ACOT1: variants seen among roughly 807,000 people sequenced by gnomAD.
ACOT1 encodes acyl-coenzyme A thioesterase 1.
ACOT1 carries 8 observed loss-of-function variants against 15.7 expected under a neutral mutation model. That is an observed-to-expected ratio of 0.51 (90% CI 0.30 to 0.92). The LOEUF (loss-of-function observed/expected upper bound fraction) is 0.92, where lower values mean the gene tolerates loss of function less well. Ranked by LOEUF, ACOT1 falls within the 40% of genes least tolerant of loss-of-function variation. The probability of loss-of-function intolerance (pLI) is 0.06; values close to 1 mark genes in which losing one functional copy is unlikely to be tolerated. For synonymous variants in ACOT1, 67 were observed against 241.2 expected (o/e 0.28, Z 6.69); for missense variants, 151 against 539.4 (o/e 0.28, Z 7.13).
chr14:73,494,314 C>T, the ACOT1 span, among the ~76,000 whole-genome samples: 1 of 152,162 alleles, frequency 6.6e-6, no homozygotes. Context: ...ATGCTACGCT[C>T]AGGCACACAG....
At chr14:73,531,245 C>T in the ACOT1 span, 2 of 112,716 alleles carry the variant, frequency 1.8e-5, 1 homozygote, top group Non-Finnish European at 3.8e-5. Flanking sequence ...CTGTTTCTAT[C>T]AGTCTCCAAG....
At chr14:73,500,587 C>T in the ACOT1 span, 2 of 1,613,902 alleles carry the variant, frequency 1.2e-6, no homozygotes, top group Non-Finnish European at 1.7e-6. Context: ...AGCTGCCAAA[C>T]AGGCTGCCCG....
At chr14:73,506,804 G>GTTTTTTTTTTTTTTTTT in the ACOT1 span, among the ~76,000 whole-genome samples, 58 of 80,484 alleles carry the variant, frequency 7.2e-4, 10 homozygotes, top group East Asian at 4.6e-3. Context: ...GACTTTAACT[G>GTTTTTTTTTTTTTTTTT]TTTTTTTTTT....
At chr14:73,493,432 C>A in the ACOT1 span, 1 of 283,532 alleles carries the variant, frequency 3.5e-6, no homozygotes. Flanking sequence ...TGGGATGGTT[C>A]GAAGAAATGC....
the ACOT1 span, chr14:73,491,354 C>T: frequency 2.1e-6 from 3 of 1,432,146 alleles, no homozygotes; most frequent in Non-Finnish European, 2.7e-6. Context: ...GCCCGCCGCG[C>T]GCTCCCTGCA....
the ACOT1 span, among the ~76,000 whole-genome samples, chr14:73,515,671 CAAAAAAAA>C: frequency 1.1e-3 from 36 of 33,516 alleles, no homozygotes; most frequent in African/African-American, 3.2e-3. Context: ...GACTCCATCT[CAAAAAAAA>C]AAAAAAAAAA....
chr14:73,491,173 G>A, the ACOT1 span: 1 of 1,601,890 alleles, frequency 6.2e-7, no homozygotes, highest in Non-Finnish European at 8.5e-7. Context: ...GCATGGCAGC[G>A]CTGAGGACGC....
At chr14:73,540,667 T>C (rs1476401504) in intron 1 of ACOT1, among the ~76,000 whole-genome samples, 1 of 120,352 alleles carries the variant, frequency 8.3e-6, no homozygotes, top group African/African-American at 2.9e-5. Context: ...CACAGGGGTC[T>C]GTGGGACGTT....
chr14:73,491,206 G>C, the ACOT1 span: 2 of 1,595,022 alleles, frequency 1.3e-6, no homozygotes, highest in Non-Finnish European at 1.7e-6. Context: ...GCGAGAACTC[G>C]GAGGAATCGA....
the ACOT1 span, among the ~76,000 whole-genome samples, chr14:73,496,117 G>A: frequency 3.3e-5 from 5 of 151,992 alleles, no homozygotes; most frequent in Admixed American, 6.6e-5. Flanking sequence ...GCGACAGAGC[G>A]AGACTGTCCC....
chr14:73,498,430 T>C, the ACOT1 span: 2 of 1,189,380 alleles, frequency 1.7e-6, no homozygotes, highest in South Asian at 1.5e-5. Flanking sequence ...TTGCAAACAA[T>C]ACCTTCCCTT....
At chr14:73,518,890 A>C in the ACOT1 span, 1 of 777,936 alleles carries the variant, frequency 1.3e-6, no homozygotes. Flanking sequence ...GTACGTAGAA[A>C]GGGGATTGCC....
At chr14:73,495,484 G>T in the ACOT1 span, 6 of 984,376 alleles carry the variant, frequency 6.1e-6, no homozygotes, top group South Asian at 8.0e-5. Context: ...GTAGGAGGCT[G>T]AGGAGGGAGG....
At chr14:73,534,807 CTT>C (rs553194860), upstream of ACOT1, among the ~76,000 whole-genome samples, 17 of 93,814 alleles carry the variant, frequency 1.8e-4, no homozygotes, top group East Asian at 8.2e-4. Context: ...ATCTTTTCTG[CTT>C]TTTTTTTTTT....
At chr14:73,527,215 A>C in the ACOT1 span, 2 of 152,164 alleles carry the variant, frequency 1.3e-5, no homozygotes, top group Non-Finnish European at 2.9e-5. Flanking sequence ...AAAGACTTGG[A>C]ATAAATACCT....
chr14:73,500,620 G>C, the ACOT1 span: 5 of 1,614,072 alleles, frequency 3.1e-6, no homozygotes, highest in Non-Finnish European at 4.2e-6. Flanking sequence ...GAAGTCATCA[G>C]AGAAGCAGTG....
chr14:73,524,566 G>A, the ACOT1 span, among the ~76,000 whole-genome samples: 1 of 150,570 alleles, frequency 6.6e-6, no homozygotes, highest in Non-Finnish European at 1.5e-5. Flanking sequence ...AAGATATTAT[G>A]ATCTTCCTTT....
the ACOT1 span, among the ~76,000 whole-genome samples, chr14:73,530,000 G>C: frequency 7.1e-6 from 1 of 140,480 alleles, no homozygotes; most frequent in African/African-American, 2.6e-5. Context: ...GCCTCACTCT[G>C]TCACCCAAGC....
In ACOT1 at chr14:73,537,655, G is replaced by T; in HGVS notation, c.234G>T (p.Met78Ile). Residue 78 changes from methionine (M) to isoleucine (I), a missense_variant, in exon 1 of 3, where the codon ATG (methionine) becomes ATT (isoleucine). Transcript: ENST00000311148. ...LGGSFAGLEP[M>I]GLLWALEPEK... is the part of the protein sequence containing the mutation. ...GCAGCTTCGCGGGGCTTGAGCCCATGGGGCTGCTCTGGGCCTTGGAGCCCG... is the reference window on the plus strand; with the variant it reads ...GCAGCTTCGCGGGGCTTGAGCCCATTGGGCTGCTCTGGGCCTTGGAGCCCG... The T allele has an allele frequency of 2.4e-6, 3 of 1,236,418 alleles. 1 individual carries two copies. Among genetic ancestry groups the T allele is most frequent in the Non-Finnish European group, 3.2e-6 (3 of 935,732 alleles). 76.6% of individuals were successfully genotyped at this position (1,236,418 alleles called of 1,614,324 possible).
Sources: allele counts gnomAD v4.1 joint callset (sites outside exome capture counted in the v4.1 genomes callset), GRCh38; gene constraint gnomAD v4.1.1; transcripts MANE v1.5; gene names NCBI Gene and HGNC (gene_info 2026-07-23, HGNC 2026-07-21).